The following OLFM3 variants were observed in gnomAD, a reference collection of about 807,000 sequenced individuals.
The protein encoded by OLFM3 is olfactomedin 3, also known as noelin-3.
In OLFM3, 20 loss-of-function variants were observed where a neutral mutation model predicts 48.6. The ratio of observed to expected loss-of-function variants is 0.41; its 90% CI spans 0.29 to 0.60. OLFM3 has a LOEUF of 0.60. OLFM3 is among the 20% of genes least tolerant of loss of function. The pLI, the probability that OLFM3 is intolerant of heterozygous loss-of-function variation, is 0.28. For synonymous variants in OLFM3, 222 were observed against 198.1 expected (o/e 1.12, Z -1.01); for missense variants, 437 against 544.3 (o/e 0.80, Z 1.96).
At position 101,899,664 on chromosome 1, in the gene OLFM3, C is replaced by T. The variant is rs546526254; in HGVS notation, c.70-62639G>A. ...TAAATTCAATCTATAGGAATTTCCTCGCAAAAATAACTAGAAAGACAAAAA... is the reference window on the plus strand; with the variant it reads ...TAAATTCAATCTATAGGAATTTCCTTGCAAAAATAACTAGAAAGACAAAAA... On this transcript the variant is annotated intron_variant, in intron 1 of 5. Coordinates refer to ENST00000370103, the MANE Select transcript of OLFM3 (RefSeq NM_058170.4). Among the ~76,000 whole-genome samples, 12 of 151,694 alleles carry T rather than the reference C, an allele frequency of 7.9e-5. 1 individual carries two copies. The highest frequency in any genetic ancestry group is 6.6e-4 in the Admixed American group (10 of 15,256).
intron 1 of OLFM3, among the ~76,000 whole-genome samples, chr1:101,980,918 G>A (rs1007139102): frequency 2.6e-5 from 4 of 152,120 alleles, no homozygotes; most frequent in South Asian, 2.1e-4. Flanking sequence ...ATTCATTATC[G>A]ATTTAGTCCA....
At position 101,949,931 on chromosome 1, in the gene OLFM3, GAAAAAA is replaced by G. The variant is rs71088114; in HGVS notation, c.69+46811_69+46816del. 5.4e-3 allele frequency among the ~76,000 whole-genome samples: 287 copies of G among 53,376 alleles called. 8 individuals are homozygous for G. Among genetic ancestry groups the G allele is most frequent in the Middle Eastern group, 0.026 (1 of 38 alleles). The allele number at this position is 53,376 out of a possible 152,430, so 35.0% of individuals were successfully genotyped here. On this transcript the variant is annotated intron_variant, in intron 1 of 5. Transcript: ENST00000370103. The stretch of plus-strand genomic sequence containing the variant: ...TGGGCAACAGAGCAAGACTCCGTCT[GAAAAAA>G]AAAAAAAAAAAGCCTCTGATGCGGA...
At chr1:101,882,950 T>C (rs759368689) in intron 1 of OLFM3, 1 of 151,940 alleles carries the variant, frequency 6.6e-6, no homozygotes, top group East Asian at 1.9e-4. Context: ...TTATCTTTCA[T>C]ATCTACTTAC....
intron 3 of OLFM3, among the ~76,000 whole-genome samples, chr1:101,829,939 A>T (rs571342095): frequency 1.4e-4 from 21 of 151,272 alleles, no homozygotes; most frequent in African/African-American, 4.8e-4. Flanking sequence ...GGTTCACGCC[A>T]TCCTCCTGCC....
At chr1:101,864,064 A>C (rs943209318) in intron 1 of OLFM3, among the ~76,000 whole-genome samples, 1 of 152,122 alleles carries the variant, frequency 6.6e-6, no homozygotes, top group African/African-American at 2.4e-5. Flanking sequence ...TTTGAACTTT[A>C]GTTTCGAATT....
chr1:101,951,887 T>G (rs1660152970), intron 1 of OLFM3, among the ~76,000 whole-genome samples: 1 of 152,126 alleles, frequency 6.6e-6, no homozygotes, highest in African/African-American at 2.4e-5. Flanking sequence ...TTTTTTCAAT[T>G]TTTCTATCTT....
At chr1:101,910,055 C>T in intron 1 of OLFM3, 15 of 985,328 alleles carry the variant, frequency 1.5e-5, no homozygotes, top group Non-Finnish European at 1.8e-5. Flanking sequence ...CCATTCTCCT[C>T]CTCCTGCTTT....
intron 1 of OLFM3, among the ~76,000 whole-genome samples, chr1:101,982,913 T>TACAC (rs149648138): frequency 0.33 from 49,806 of 150,816 alleles, 8,256 homozygotes; most frequent in South Asian, 0.39. Context: ...TCTTTGTTTT[T>TACAC]ACACACACAC....
intron 1 of OLFM3, among the ~76,000 whole-genome samples, chr1:101,906,824 T>C (rs903020009): frequency 2.0e-5 from 3 of 152,208 alleles, no homozygotes; most frequent in Non-Finnish European, 2.9e-5. Flanking sequence ...CATACATGTA[T>C]GAATCATTCA....
chr1:101,950,883 T>C (rs532339590), intron 1 of OLFM3, among the ~76,000 whole-genome samples: 1 of 152,312 alleles, frequency 6.6e-6, no homozygotes, highest in East Asian at 1.9e-4. Context: ...TACTTATTGA[T>C]TGAACAAATA....
At chr1:101,944,306 C>T (rs993292392) in intron 1 of OLFM3, among the ~76,000 whole-genome samples, 3 of 152,068 alleles carry the variant, frequency 2.0e-5, no homozygotes, top group Non-Finnish European at 4.4e-5. Context: ...CCTAAAGGCT[C>T]TAATCCTGCA....
chr1:101,873,972 T>G lies in OLFM3; in HGVS notation c.70-36947A>C, dbSNP rs949202687. ...TCAAGATCTAGCAGAGAAAATATTT[T>G]GACTATTAAAATGTAATATGGCTTC... On this transcript the variant is annotated intron_variant, in intron 1 of 5. Coordinates refer to ENST00000370103, the MANE Select transcript of OLFM3 (RefSeq NM_058170.4). 2.6e-5 allele frequency among the ~76,000 whole-genome samples: 4 copies of G among 152,066 alleles called. No homozygotes were observed. The South Asian group carries it at 8.3e-4, about 31-fold the overall frequency.
chr1:101,844,239 T>C (rs2100937892), intron 1 of OLFM3, among the ~76,000 whole-genome samples: 1 of 152,198 alleles, frequency 6.6e-6, no homozygotes, highest in African/African-American at 2.4e-5. Flanking sequence ...ATGCAAAACC[T>C]TTGGGAATGG....
intron 1 of OLFM3, among the ~76,000 whole-genome samples, chr1:101,959,673 G>A (rs1660409367): frequency 6.6e-6 from 1 of 152,142 alleles, no homozygotes; most frequent in Non-Finnish European, 1.5e-5. Flanking sequence ...GGGCAAGACA[G>A]AAAGGTGACT....
chr1:101,984,571 T>G (rs1225863429), intron 1 of OLFM3, among the ~76,000 whole-genome samples: 1 of 152,188 alleles, frequency 6.6e-6, no homozygotes, highest in Non-Finnish European at 1.5e-5. Context: ...CTAATTTTTT[T>G]GTATTTTTAG....
At chr1:101,892,336 C>G (rs1222476270) in intron 1 of OLFM3, among the ~76,000 whole-genome samples, 1 of 151,940 alleles carries the variant, frequency 6.6e-6, no homozygotes, top group Admixed American at 6.6e-5. Context: ...TAAGAGACCC[C>G]AGCAGACAGC....
At chr1:101,857,630 C>T in intron 1 of OLFM3, among the ~76,000 whole-genome samples, 1 of 151,614 alleles carries the variant, frequency 6.6e-6, no homozygotes, top group African/African-American at 2.4e-5. Flanking sequence ...TCCTGCCTTC[C>T]TTCTCTTACA....
intron 1 of OLFM3, among the ~76,000 whole-genome samples, chr1:101,904,290 A>AC (rs1269748151): frequency 1.3e-5 from 2 of 152,134 alleles, no homozygotes; most frequent in African/African-American, 4.8e-5. Context: ...GTAAATTGGA[A>AC]CAGAACTCCA....
chr1:101,904,958 G>C (rs1349548353), intron 1 of OLFM3, among the ~76,000 whole-genome samples: 1 of 152,114 alleles, frequency 6.6e-6, no homozygotes, highest in African/African-American at 2.4e-5. Context: ...AAGGTAGAAA[G>C]TGGTAAGGCC....
Sources: allele counts gnomAD v4.1 joint callset (sites outside exome capture counted in the v4.1 genomes callset), GRCh38; gene constraint gnomAD v4.1.1; transcripts MANE v1.5; gene names NCBI Gene and HGNC (gene_info 2026-07-23, HGNC 2026-07-21).